RIF1: variants seen among roughly 807,000 people sequenced by gnomAD.
RIF1 encodes telomere-associated protein RIF1.
A neutral mutation model predicts 247.1 loss-of-function variants in RIF1; 45 were observed. That is an observed-to-expected ratio of 0.18 (90% CI 0.14 to 0.23). RIF1 has a LOEUF of 0.23. Among genes scored for constraint, RIF1 ranks in the 10% least tolerant of loss-of-function variants. RIF1 has a pLI of 1.00. For synonymous variants in RIF1, 1,087 were observed against 978.8 expected (o/e 1.11, Z -2.06); for missense variants, 2,967 against 2,862.5 (o/e 1.04, Z -0.83).
the RIF1 span, chr2:151,519,072 G>A: frequency 1.3e-6 from 2 of 1,579,564 alleles, no homozygotes; most frequent in Admixed American, 1.7e-5. Context: ...TATTTAACCT[G>A]TGTGTTATGG....
rs766618003 is a variant in RIF1, at chr2:151,437,363, T to C, written c.1483+12T>C. The C allele has an allele frequency of 6.3e-7, 1 of 1,580,102 alleles. No individual in the cohort carries two copies. Among genetic ancestry groups the C allele is most frequent in the Non-Finnish European group, 8.7e-7 (1 of 1,149,402 alleles). On this transcript the variant is annotated intron_variant, in intron 13 of 35. Transcript: ENST00000444746. Reference sequence around the variant, plus strand: ...AAAAGATGCCCCCGGTAAGAGAATTTGATTTATTATTTGCTCAAATGTGTG... The same window carrying C: ...AAAAGATGCCCCCGGTAAGAGAATTCGATTTATTATTTGCTCAAATGTGTG...
chr2:151,445,986 G>A (rs1693197990), intron 19 of RIF1, among the ~76,000 whole-genome samples: 1 of 152,152 alleles, frequency 6.6e-6, no homozygotes, highest in African/African-American at 2.4e-5. Context: ...TGGGATGTGG[G>A]GGAAAGGTTA....
At chr2:151,501,435 G>A (rs1156903171) in intron 11 of RIF1, 2 of 1,547,484 alleles carry the variant, frequency 1.3e-6, no homozygotes, top group East Asian at 4.9e-5. Context: ...TCCATCTCAG[G>A]AGTGACAGGT....
intron 9 of RIF1, among the ~76,000 whole-genome samples, chr2:151,488,526 G>A (rs1253372055): frequency 2.0e-5 from 3 of 151,498 alleles, no homozygotes; most frequent in Non-Finnish European, 4.4e-5. Flanking sequence ...TACACCTGTA[G>A]TCCTAGCTAT....
In RIF1 at chr2:151,426,512, A is replaced by T. The variant is rs569345964; in HGVS notation, c.787-2272A>T. Among the ~76,000 whole-genome samples, 8 of 151,974 alleles carry T rather than the reference A, an allele frequency of 5.3e-5. No individual in the cohort carries two copies. The East Asian group carries it at 1.6e-3, about 30-fold the overall frequency. On this transcript the variant is annotated intron_variant, in intron 8 of 35. Transcript: ENST00000444746. ...GAGACTGCAATTCCGTGTGAATTTG[A>T]CGATCGACTTCTTTATCTGTGAAAA...
chr2:151,504,098 A>G (rs933865983), intron 12 of RIF1, among the ~76,000 whole-genome samples: 1 of 152,060 alleles, frequency 6.6e-6, no homozygotes, highest in Admixed American at 6.6e-5. Context: ...ACATTAAGGA[A>G]CCTCCACTCT....
intron 10 of RIF1, chr2:151,498,252 C>T (rs756766749): frequency 6.4e-7 from 1 of 1,551,100 alleles, no homozygotes; most frequent in South Asian, 1.2e-5. Flanking sequence ...CCTTTCTTTC[C>T]AAAATACCGA....
chr2:151,528,840 A>G, the RIF1 span, among the ~76,000 whole-genome samples: 1 of 152,226 alleles, frequency 6.6e-6, no homozygotes, highest in Non-Finnish European at 1.5e-5. Context: ...CATCAGAAGA[A>G]GCAGATTGTA....
intron 23 of RIF1, 64 bp downstream of exon 23, chr2:151,456,684 A>G: frequency 1.0e-6 from 1 of 959,376 alleles, no homozygotes; most frequent in Non-Finnish European, 1.6e-6. Context: ...AGTTTAGATA[A>G]TTTTCTTAAA....
At chr2:151,512,685 T>C, downstream of RIF1, 1 of 1,304,392 alleles carries the variant, frequency 7.7e-7, no homozygotes, top group Non-Finnish European at 1.1e-6. Context: ...GGACTTCCAT[T>C]CTTTCATGAT....
chr2:151,431,871 T>TA (rs1232694413), intron 9 of RIF1, among the ~76,000 whole-genome samples: 1 of 152,250 alleles, frequency 6.6e-6, no homozygotes, highest in Non-Finnish European at 1.5e-5. Context: ...AACTTGTTCA[T>TA]ACAGTGATAG....
the RIF1 span, chr2:151,527,081 C>A: frequency 8.6e-7 from 1 of 1,168,012 alleles, no homozygotes; most frequent in South Asian, 1.3e-5. Context: ...GGAAGCTGGG[C>A]ATTTGATTAA....
At chr2:151,494,061 G>T in intron 9 of RIF1, 1 of 1,045,798 alleles carries the variant, frequency 9.6e-7, no homozygotes, top group Non-Finnish European at 1.4e-6. Context: ...AATGTAACTG[G>T]CATTTTGTTT....
intron 9 of RIF1, chr2:151,492,357 C>T: frequency 6.3e-7 from 1 of 1,587,788 alleles, no homozygotes. Flanking sequence ...TGACAGGCAG[C>T]CAGCCAATCC....
Position 151,458,869 on chromosome 2 carries a change from G to C in RIF1, c.2914G>C (p.Val972Leu). The change falls in exon 25 of 36, where the codon GTT becomes CTT. Residue 972 changes from valine to leucine, a missense_variant. By Grantham distance (32) the Val-to-Leu change is conservative. Coordinates refer to ENST00000444746, the MANE Select transcript of RIF1 (RefSeq NM_018151.5). The stretch of plus-strand genomic sequence containing the variant: ...GCTCCTGTTGCCTGGTTTGGAAACT[G>C]TTGAAATGATGGAGGAATCCAGTGG... ...FLLLLPGLET[V>L]EMMEESSGPY... The C allele has an allele frequency of 6.2e-7, 1 of 1,613,142 alleles. No homozygotes were observed. The highest frequency in any genetic ancestry group is 8.5e-7 in the Non-Finnish European group (1 of 1,179,376).
Position 151,499,366 on chromosome 2 carries a change from T to A in RIF1, c.*535T>A, listed in dbSNP as rs1263815921. Reference sequence around the variant, plus strand: ...GGAGTGATGGGGATTGGAATCCCTTTTCCAACGTTTTCTTTATACAACACC... The same window carrying A: ...GGAGTGATGGGGATTGGAATCCCTTATCCAACGTTTTCTTTATACAACACC... On this transcript the variant is annotated 3_prime_UTR_variant and NMD_transcript_variant, in exon 11 of 14. Coordinates refer to the RIF1 transcript ENST00000454583. The A allele has an allele frequency of 6.5e-7, 1 of 1,545,080 alleles. No individual in the cohort carries two copies. The highest frequency in any genetic ancestry group is 1.2e-5 in the South Asian group (1 of 83,810).
chr2:151,421,837 ATTT>A (rs35077506), intron 7 of RIF1, among the ~76,000 whole-genome samples: 1 of 142,350 alleles, frequency 7.0e-6, no homozygotes. Context: ...GACATATATA[ATTT>A]TTTTTTTTTT....
chr2:151,466,395 G>T (rs1460391156), intron 30 of RIF1, among the ~76,000 whole-genome samples: 1 of 152,164 alleles, frequency 6.6e-6, no homozygotes, highest in Non-Finnish European at 1.5e-5. Flanking sequence ...AAGGCTCCTA[G>T]CATCTTTTCT....
chr2:151,525,924 G>T, the RIF1 span: 3 of 1,525,886 alleles, frequency 2.0e-6, no homozygotes, highest in Non-Finnish European at 2.7e-6. Context: ...AAGTGGCATT[G>T]TTGCTGCCAA....
Sources: allele counts gnomAD v4.1 joint callset (sites outside exome capture counted in the v4.1 genomes callset), GRCh38; gene constraint gnomAD v4.1.1; transcripts MANE v1.5; gene names NCBI Gene and HGNC (gene_info 2026-07-23, HGNC 2026-07-21).